ETF1: variants seen among roughly 807,000 people sequenced by gnomAD.
ETF1 encodes the protein eukaryotic translation termination factor 1.
ETF1 carries 4 observed loss-of-function variants against 55.1 expected under a neutral mutation model. That is an observed-to-expected ratio of 0.07 (90% CI 0.04 to 0.17). ETF1 has a LOEUF of 0.17. ETF1 is among the 10% of genes least tolerant of loss of function. The pLI is 1.00. For synonymous variants in ETF1, 157 were observed against 182.3 expected (o/e 0.86, Z 1.12); for missense variants, 142 against 523.6 (o/e 0.27, Z 7.11).
At chr5:138,516,189 T>C (rs1191221797) in intron 4 of ETF1, among the ~76,000 whole-genome samples, 1 of 152,224 alleles carries the variant, frequency 6.6e-6, no homozygotes, top group Non-Finnish European at 1.5e-5. Flanking sequence ...AATTTTACAA[T>C]TGTTATGTGA....
At chr5:138,509,834 G>A (rs1456149344) in intron 9 of ETF1, among the ~76,000 whole-genome samples, 1 of 148,130 alleles carries the variant, frequency 6.8e-6, no homozygotes. Context: ...GGTGGAGGTT[G>A]CAGTGAGCCG....
intron 2 of ETF1, among the ~76,000 whole-genome samples, chr5:138,522,716 C>T (rs986204954): frequency 6.6e-6 from 1 of 152,074 alleles, no homozygotes; most frequent in African/African-American, 2.4e-5. Flanking sequence ...CATTAACTTA[C>T]ACTACATTGG....
chr5:138,537,788 G>A (rs1423779463), intron 2 of ETF1, among the ~76,000 whole-genome samples: 2 of 151,144 alleles, frequency 1.3e-5, no homozygotes, highest in Non-Finnish European at 2.9e-5. Context: ...CACTGTGTTA[G>A]CCAGGATGGT....
At chr5:138,512,644 C>T (rs1764866246) in intron 6 of ETF1, 120 bp downstream of exon 6, 1 of 818,022 alleles carries the variant, frequency 1.2e-6, no homozygotes, top group African/African-American at 1.8e-5. Context: ...CTGTTTAACT[C>T]AGAGGCAAGT....
chr5:138,528,884 T>C (rs745803001), intron 2 of ETF1, among the ~76,000 whole-genome samples: 3 of 152,100 alleles, frequency 2.0e-5, no homozygotes, highest in Non-Finnish European at 4.4e-5. Context: ...TGGTGGCTCA[T>C]GTCTGTAATC....
intron 3 of ETF1, among the ~76,000 whole-genome samples, chr5:138,518,091 A>G (rs1427163115): frequency 6.6e-6 from 1 of 150,958 alleles, no homozygotes. Flanking sequence ...AGTCCCAGCT[A>G]CTCGAGAGGC....
chr5:138,515,955 G>A (rs116612778), intron 4 of ETF1, among the ~76,000 whole-genome samples: 2,326 of 152,282 alleles, frequency 0.015, 54 homozygotes, highest in African/African-American at 0.052. Context: ...GTCGACAAAT[G>A]TCAGTTCTAA....
At chr5:138,522,373 G>T (rs913047673) in intron 2 of ETF1, among the ~76,000 whole-genome samples, 1 of 152,156 alleles carries the variant, frequency 6.6e-6, no homozygotes, top group Non-Finnish European at 1.5e-5. Context: ...AGCATGTGAA[G>T]AAATCGAAAT....
chr5:138,520,507 T>A (rs900926248), intron 2 of ETF1, among the ~76,000 whole-genome samples: 1 of 152,104 alleles, frequency 6.6e-6, no homozygotes, highest in African/African-American at 2.4e-5. Context: ...TCAAGAAATA[T>A]CTCATCGGAA....
chr5:138,510,465 T>C, intron 9 of ETF1, 100 bp downstream of exon 9: 1 of 772,390 alleles, frequency 1.3e-6, no homozygotes, highest in Non-Finnish European at 2.2e-6. Flanking sequence ...CCAATTAGTA[T>C]AAGGTTTGGT....
At position 138,514,112 on chromosome 5, in the gene ETF1, A is replaced by T. The variant is rs1263310880; in HGVS notation, c.403-406T>A. ...ATGCTAAGTGAAATAACCCTGTCAA[A>T]AAAGGACAAATACTGTATGACTCCA... On this transcript the variant is annotated intron_variant, in intron 4 of 10. Transcript: ENST00000360541. 1.9e-5 allele frequency: 3 copies of T among 158,558 alleles called. No individual in the cohort carries two copies. The East Asian group carries it at 5.8e-4, about 30-fold the overall frequency. The allele number at this position is 158,558 out of a possible 1,614,324, so 9.8% of individuals were successfully genotyped here. A position where few individuals can be genotyped will look rare whatever the true frequency, so the allele number is the denominator to read the frequency against.
intron 2 of ETF1, among the ~76,000 whole-genome samples, chr5:138,519,516 CGCTGGGCATGGTGGCAAGT>C (rs1268278458): frequency 2.0e-5 from 3 of 151,372 alleles, no homozygotes; most frequent in Non-Finnish European, 4.4e-5. Flanking sequence ...AAAAAAAATT[CGCTGGGCATGGTGGCAAGT>C]GCCTGTAATC....
chr5:138,537,971 C>A (rs1766012672), intron 2 of ETF1, among the ~76,000 whole-genome samples: 1 of 135,492 alleles, frequency 7.4e-6, no homozygotes, highest in Non-Finnish European at 1.6e-5. Context: ...CGGCTCACCG[C>A]AACCTCCACC....
intron 2 of ETF1, among the ~76,000 whole-genome samples, chr5:138,532,860 G>T (rs889662070): frequency 6.6e-6 from 1 of 152,044 alleles, no homozygotes; most frequent in African/African-American, 2.4e-5. Flanking sequence ...GTCTTCACAG[G>T]GACCTGATAC....
intron 2 of ETF1, chr5:138,541,454 T>C (rs1410564588): frequency 4.1e-6 from 5 of 1,209,860 alleles, no homozygotes; most frequent in Non-Finnish European, 5.9e-6. Flanking sequence ...GCCAAACTTT[T>C]AGAAGCCTCA....
chr5:138,514,818 A>C (rs1764950400), intron 4 of ETF1, among the ~76,000 whole-genome samples: 1 of 152,198 alleles, frequency 6.6e-6, no homozygotes, highest in South Asian at 2.1e-4. Flanking sequence ...CCAAAGAGAA[A>C]ATATTGAAAC....
At chr5:138,513,457 G>A in intron 5 of ETF1, 111 bp downstream of exon 5, 1 of 956,974 alleles carries the variant, frequency 1.0e-6, no homozygotes, top group Non-Finnish European at 1.6e-6. Flanking sequence ...ACCCGGCTCG[G>A]CCTCCCAAAG....
At position 138,542,660 on chromosome 5, in the gene ETF1, C is replaced by A. The variant is rs1201390849; in HGVS notation, c.86+173G>T. 17 of 1,435,368 alleles carry A rather than the reference C, an allele frequency of 1.2e-5. No individual in the cohort carries two copies. The African/African-American group carries it at 1.9e-4, about 16-fold the overall frequency. The allele number at this position is 1,435,368 out of a possible 1,614,324, so 88.9% of individuals were successfully genotyped here. On this transcript the variant is annotated intron_variant, in intron 2 of 10. Transcript: ENST00000360541. ...CCCATGCGGGGAAAGGACCCCTTCTCGGGCCAACCGCGCCGACCCTCGCCC... is the reference window on the plus strand; with the variant it reads ...CCCATGCGGGGAAAGGACCCCTTCTAGGGCCAACCGCGCCGACCCTCGCCC...
intron 2 of ETF1, among the ~76,000 whole-genome samples, chr5:138,524,867 T>A (rs190847262): frequency 3.9e-4 from 59 of 152,038 alleles, no homozygotes; most frequent in African/African-American, 1.3e-3. Flanking sequence ...TGAGCCACCG[T>A]GCCCGGCCAG....
Sources: allele counts gnomAD v4.1 joint callset (sites outside exome capture counted in the v4.1 genomes callset), GRCh38; gene constraint gnomAD v4.1.1; transcripts MANE v1.5; gene names NCBI Gene and HGNC (gene_info 2026-07-23, HGNC 2026-07-21).